The following NUDT5 variants were observed in gnomAD, a reference collection of about 807,000 sequenced individuals.
NUDT5 encodes the protein ADP-sugar pyrophosphatase.
NUDT5 carries 21 observed loss-of-function variants against 34.1 expected under a neutral mutation model. The observed-to-expected ratio is 0.62, with a 90% CI of 0.44 to 0.89. The LOEUF (loss-of-function observed/expected upper bound fraction) is 0.89, where lower values mean the gene tolerates loss of function less well. Among genes scored for constraint, NUDT5 ranks in the 40% least tolerant of loss-of-function variants. The pLI is 0.00. For missense variants in NUDT5, 249 were observed against 274.8 expected, an observed-to-expected ratio of 0.91 and a Z score of 0.66; for synonymous variants, 85 against 97.6, an observed-to-expected ratio of 0.87 and a Z score of 0.76.
intron 4 of NUDT5, among the ~76,000 whole-genome samples, chr10:12,178,569 A>G (rs190092913): frequency 6.6e-6 from 1 of 152,320 alleles, no homozygotes; most frequent in African/African-American, 2.4e-5. Context: ...CTAGTGCCCA[A>G]CTTCCCCTCG....
chr10:12,179,227 C>A (rs1036218495), intron 3 of NUDT5, 95 bp from the exon 4 acceptor site: 2 of 915,294 alleles, frequency 2.2e-6, no homozygotes, highest in African/African-American at 1.6e-5. Context: ...AAATGCAATG[C>A]ATGCAAATGT....
At chr10:12,184,388 C>G in intron 3 of NUDT5, 2 of 884,856 alleles carry the variant, frequency 2.3e-6, no homozygotes, top group Non-Finnish European at 3.2e-6. Context: ...ACTGGGATTA[C>G]TCGGTCAAAG....
At chr10:12,172,527 AC>A (rs774486505) in intron 7 of NUDT5, 12 of 564,060 alleles carry the variant, frequency 2.1e-5, no homozygotes, top group Admixed American at 1.2e-4. Flanking sequence ...CATATAGAAA[AC>A]AGGGAAATAT....
intron 3 of NUDT5, among the ~76,000 whole-genome samples, chr10:12,184,341 G>C (rs1041186948): frequency 6.6e-6 from 1 of 151,668 alleles, no homozygotes; most frequent in African/African-American, 2.4e-5. Context: ...AATTACAGGC[G>C]TGAGCCAACA....
Position 12,166,574 on chromosome 10 carries a change from C to G in NUDT5, c.*1128G>C. 1 of 340,096 alleles carries G rather than the reference C, an allele frequency of 2.9e-6. No individual in the cohort carries two copies. The highest frequency in any genetic ancestry group is 8.3e-5 in the East Asian group (1 of 12,028). The allele number at this position is 340,096 out of a possible 1,614,324, so 21.1% of individuals were successfully genotyped here. On this transcript the variant is annotated 3_prime_UTR_variant, in exon 10 of 10. Coordinates refer to ENST00000491614, the MANE Select transcript of NUDT5 (RefSeq NM_014142.4). Reference sequence around the variant, plus strand: ...AACGGAGGCTACTGCAGCATTCTGGCATTAGCACTCTGATTTTATCTGGAG... The same window carrying G: ...AACGGAGGCTACTGCAGCATTCTGGGATTAGCACTCTGATTTTATCTGGAG...
chr10:12,185,938 C>T (rs1333262613), intron 2 of NUDT5, among the ~76,000 whole-genome samples: 2 of 152,212 alleles, frequency 1.3e-5, no homozygotes, highest in African/African-American at 2.4e-5. Context: ...TATCTGAGTC[C>T]GCAAATGCAT....
intron 3 of NUDT5, among the ~76,000 whole-genome samples, chr10:12,180,224 C>A (rs931968233): frequency 7.2e-5 from 11 of 152,194 alleles, no homozygotes; most frequent in African/African-American, 2.2e-4. Flanking sequence ...AATTGTAGGT[C>A]TTTCAGCATT....
intron 5 of NUDT5, among the ~76,000 whole-genome samples, chr10:12,177,017 G>A (rs1043823969): frequency 1.3e-5 from 2 of 151,894 alleles, no homozygotes; most frequent in African/African-American, 4.8e-5. Context: ...AGCTACTCAG[G>A]AGGCTGAGGC....
In NUDT5 at chr10:12,174,098, T is replaced by C. The variant is rs562805810; in HGVS notation, c.290-285A>G. Among the ~76,000 whole-genome samples, 8 of 152,176 alleles carry C rather than the reference T, an allele frequency of 5.3e-5. No homozygotes were observed. The South Asian group carries it at 8.3e-4, about 16-fold the overall frequency. On this transcript the variant is annotated intron_variant, in intron 5 of 9. Coordinates refer to ENST00000491614, the MANE Select transcript of NUDT5 (RefSeq NM_014142.4). ...AGCCAGGCTGGTCTTGAATTCTTGA[T>C]CTCATGATCCACCCACGTCAGCCTC...
intron 3 of NUDT5, among the ~76,000 whole-genome samples, chr10:12,179,562 T>G (rs1010205560): frequency 2.0e-5 from 3 of 152,230 alleles, no homozygotes; most frequent in Non-Finnish European, 4.4e-5. Context: ...TATTGAGATT[T>G]TCATATCATT....
At chr10:12,179,735 T>C (rs1369384204) in intron 3 of NUDT5, among the ~76,000 whole-genome samples, 2 of 152,206 alleles carry the variant, frequency 1.3e-5, no homozygotes, top group Admixed American at 1.3e-4. Flanking sequence ...CCTGCTCTCT[T>C]GTATGGCTTT....
intron 5 of NUDT5, among the ~76,000 whole-genome samples, chr10:12,174,240 A>T (rs1834912063): frequency 6.7e-6 from 1 of 150,240 alleles, no homozygotes; most frequent in African/African-American, 2.5e-5. Flanking sequence ...AAGTGGTCTT[A>T]CAGAGAAACC....
In NUDT5 at chr10:12,169,870, C is replaced by A. The variant is rs1453731726; in HGVS notation, c.550+847G>T. The A allele has an allele frequency of 1.8e-5, 7 of 390,820 alleles. No homozygotes were observed. The highest frequency in any genetic ancestry group is 9.1e-6 in the Non-Finnish European group (2 of 220,458). 24.2% of individuals were successfully genotyped at this position (390,820 alleles called of 1,614,324 possible). A position where few individuals can be genotyped will look rare whatever the true frequency, so the allele number is the denominator to read the frequency against. ...CTTCAGGCCAAACAATGCTTCAAAT[C>A]ACATTTGAAGTAATCACTTAAAAAC... On this transcript the variant is annotated intron_variant, in intron 9 of 9. Coordinates refer to ENST00000491614, the MANE Select transcript of NUDT5 (RefSeq NM_014142.4). The surrounding 1 kb of genome is among the most constrained non-coding windows in gnomAD (Gnocchi z 4.8).
chr10:12,173,727 A>C lies in NUDT5; in HGVS notation c.376T>G (p.Cys126Gly). 6.2e-7 allele frequency: 1 copy of C among 1,613,376 alleles called. No individual in the cohort carries two copies. Residue 126 changes from cysteine (C) to glycine (G), a missense_variant, in exon 6 of 10, where the codon TGT becomes GGT. By Grantham distance (159) the Cys-to-Gly change is radical. Coordinates refer to ENST00000491614, the MANE Select transcript of NUDT5 (RefSeq NM_014142.4). This position sits in a 1 kb window ranked among gnomAD's most constrained non-coding sequence, Gnocchi z 4.7. ...ETGYKGDIAE[C>G]SPAVCMDPGL... ...TTCAAGCAATACCAACCTGGAGAAC[A>C]TTCGGCAATGTCCCCTTTGTAGCCA...
rs551672905 is a variant in NUDT5, at chr10:12,191,477, A to G, written c.-42+4293T>C. ...ACTCCACATATAATGATGATTTGCGAACACATTTCTAAGGCCATACACAGA... is the reference window on the plus strand; with the variant it reads ...ACTCCACATATAATGATGATTTGCGGACACATTTCTAAGGCCATACACAGA... On this transcript the variant is annotated intron_variant, in intron 1 of 9. Coordinates refer to ENST00000491614, the MANE Select transcript of NUDT5 (RefSeq NM_014142.4). Among the ~76,000 whole-genome samples the G allele has an allele frequency of 7.9e-5, 12 of 152,332 alleles. No homozygotes were observed. In the East Asian group the frequency reaches 2.3e-3, roughly 29 times the overall value.
intron 9 of NUDT5, 38 bp from the exon 10 acceptor site, chr10:12,167,849 T>G: frequency 6.2e-7 from 1 of 1,610,584 alleles, no homozygotes; most frequent in South Asian, 1.1e-5. Context: ...ATCATGCCGT[T>G]AAGGAAGGAC....
chr10:12,176,843 T>G (rs1450737387), intron 5 of NUDT5, among the ~76,000 whole-genome samples: 1 of 151,884 alleles, frequency 6.6e-6, no homozygotes, highest in East Asian at 1.9e-4. Flanking sequence ...TGGCCTAGGC[T>G]GGGCGTGGTG....
intron 1 of NUDT5, among the ~76,000 whole-genome samples, chr10:12,186,647 TGA>T (rs1270052466): frequency 1.3e-5 from 2 of 150,844 alleles, no homozygotes; most frequent in African/African-American, 2.4e-5. Context: ...TTGTTTTTTT[TGA>T]GAGAGTCTCA....
intron 1 of NUDT5, among the ~76,000 whole-genome samples, chr10:12,189,306 A>C (rs1380048913): frequency 6.6e-6 from 1 of 152,136 alleles, no homozygotes; most frequent in African/African-American, 2.4e-5. Context: ...GGGTTTTGCC[A>C]TGTTGGGCAG....
Sources: gnomAD v4.1 joint callset for allele counts (sites outside exome capture counted in the v4.1 genomes callset) on GRCh38, gnomAD v4.1.1 for gene constraint, Gnocchi (gnomAD v3.1) non-coding constraint, MANE v1.5 for transcripts, NCBI Gene and HGNC (gene_info 2026-07-23, HGNC 2026-07-21) for gene names.